The following SHTN1 variants were observed in gnomAD, a reference collection of about 807,000 sequenced individuals.
The protein encoded by SHTN1 is shootin-1.
A neutral mutation model predicts 83.1 loss-of-function variants in SHTN1; 42 were observed. The observed-to-expected ratio is 0.51, with a 90% CI of 0.39 to 0.65. The LOEUF (loss-of-function observed/expected upper bound fraction) is 0.65. Ranked by LOEUF, SHTN1 falls within the 30% of genes least tolerant of loss-of-function variation. SHTN1 has a pLI of 0.00. For missense variants in SHTN1, 622 were observed against 737.8 expected (o/e 0.84, Z 1.82); for synonymous variants, 224 against 247.7 (o/e 0.90, Z 0.90).
chr10:117,029,708 A>G (rs1852380361), intron 2 of SHTN1, among the ~76,000 whole-genome samples: 1 of 152,016 alleles, frequency 6.6e-6, no homozygotes, highest in African/African-American at 2.4e-5. Flanking sequence ...CAGCCTTCTG[A>G]AGTGCTGGCT....
In SHTN1 at chr10:117,003,444, C is replaced by A. The variant is rs559700588; in HGVS notation, c.58+1578G>T. 4.0e-5 allele frequency among the ~76,000 whole-genome samples: 6 copies of A among 150,672 alleles called. No homozygotes were observed. The East Asian group carries it at 9.7e-4, about 24-fold the overall frequency. ...AGCACTTTCTAGATGCTGGATATCA[C>A]AGAAGAATGTGTTATGTCCATTTCA... On this transcript the variant is annotated intron_variant, in intron 1 of 16. Coordinates refer to ENST00000355371, the MANE Select transcript of SHTN1 (RefSeq NM_001127211.3).
intron 1 of SHTN1, among the ~76,000 whole-genome samples, chr10:116,996,267 C>T (rs557125430): frequency 6.6e-6 from 1 of 152,292 alleles, no homozygotes; most frequent in Non-Finnish European, 1.5e-5. Context: ...TACCTGCAAT[C>T]TGGAATGGAT....
intron 12 of SHTN1, 129 bp from the exon 13 acceptor site, chr10:116,915,613 C>A: frequency 3.4e-6 from 2 of 596,372 alleles, no homozygotes; most frequent in Non-Finnish European, 6.0e-6. Context: ...TTGCAGAACA[C>A]TAAAAATTTA....
intron 1 of SHTN1, among the ~76,000 whole-genome samples, chr10:117,051,224 T>G (rs958304969): frequency 1.3e-5 from 2 of 152,086 alleles, no homozygotes; most frequent in African/African-American, 4.8e-5. Flanking sequence ...AAAATCTCAA[T>G]AGACCTATAA....
At chr10:117,037,791 A>T (rs1225686342) in intron 2 of SHTN1, among the ~76,000 whole-genome samples, 1 of 152,026 alleles carries the variant, frequency 6.6e-6, no homozygotes, top group Non-Finnish European at 1.5e-5. Context: ...GTGGATCACA[A>T]GATCAGGAGT....
chr10:117,100,401 C>T (rs1162514888), intron 1 of SHTN1, among the ~76,000 whole-genome samples: 3 of 152,162 alleles, frequency 2.0e-5, no homozygotes, highest in Non-Finnish European at 4.4e-5. Flanking sequence ...AAAATCTTCA[C>T]CATCTGGCCC....
upstream of SHTN1, chr10:117,005,583 A>G (rs72833418): frequency 2.1e-5 from 21 of 993,556 alleles, no homozygotes; most frequent in Non-Finnish European, 2.4e-5. Flanking sequence ...GCAATGAGCC[A>G]TGAACGCCTG....
At chr10:117,039,826 C>T (rs928701840) in intron 2 of SHTN1, among the ~76,000 whole-genome samples, 2 of 148,464 alleles carry the variant, frequency 1.3e-5, no homozygotes, top group Non-Finnish European at 3.0e-5. Context: ...GCACTCCAGC[C>T]TGGGCAACAG....
chr10:116,937,335 G>A (rs1849210880), intron 9 of SHTN1, among the ~76,000 whole-genome samples: 1 of 152,062 alleles, frequency 6.6e-6, no homozygotes, highest in African/African-American at 2.4e-5. Context: ...CTTCCTTCAG[G>A]AACTCTTAAA....
chr10:116,969,508 G>A (rs1028306960), intron 2 of SHTN1, among the ~76,000 whole-genome samples: 2 of 152,172 alleles, frequency 1.3e-5, no homozygotes, highest in African/African-American at 4.8e-5. Flanking sequence ...AAGAAAAAGT[G>A]ATCCATGTGT....
chr10:116,999,189 G>A (rs1423093965), intron 1 of SHTN1, among the ~76,000 whole-genome samples: 2 of 152,124 alleles, frequency 1.3e-5, no homozygotes, highest in East Asian at 1.9e-4. Flanking sequence ...CCATCCAGAG[G>A]ACATTAAATA....
rs567741364 is a variant in SHTN1, at chr10:116,901,124, C to A, written c.1673+641G>T. On this transcript the variant is annotated intron_variant, in intron 16 of 16. Coordinates refer to ENST00000355371, the MANE Select transcript of SHTN1 (RefSeq NM_001127211.3). ...AGTGACAAACTAGCTGACATCCTGG[C>A]AAGAGAACTAAAGCAAAACTGTAGA... 3.6e-5 allele frequency: 35 copies of A among 985,288 alleles called. 1 individual carries two copies. The South Asian group carries it at 1.3e-3, about 37-fold the overall frequency. 61.0% of individuals were successfully genotyped at this position (985,288 alleles called of 1,614,324 possible). A position where few individuals can be genotyped will look rare whatever the true frequency, so the allele number is the denominator to read the frequency against.
intron 2 of SHTN1, among the ~76,000 whole-genome samples, chr10:117,025,547 G>C (rs1852322810): frequency 6.6e-6 from 1 of 152,090 alleles, no homozygotes; most frequent in Admixed American, 6.6e-5. Flanking sequence ...GGGGTTGAGG[G>C]ACACACAACC....
Position 116,901,830 on chromosome 10 carries a change from TG to T in SHTN1, c.1607del (p.Pro536GlnfsTer45). 4 of 1,602,856 alleles carry T rather than the reference TG, an allele frequency of 2.5e-6. No individual in the cohort carries two copies. The highest frequency in any genetic ancestry group is 2.2e-5 in the South Asian group (2 of 89,038). ...LEAEFNSPSP[P>X]TPEPGEGPRK... Reference sequence around the variant, plus strand: ...GGGGCCCTTCACCTGGCTCAGGTGTTGGGGGGGACGGGCTGTTGAATTCTGC... The same window carrying T: ...GGGGCCCTTCACCTGGCTCAGGTGTTGGGGGGACGGGCTGTTGAATTCTGC... On this transcript the variant is annotated frameshift_variant, in exon 16 of 17. Coordinates refer to ENST00000355371, the MANE Select transcript of SHTN1 (RefSeq NM_001127211.3). LOFTEE classifies it high-confidence loss of function.
intron 2 of SHTN1, among the ~76,000 whole-genome samples, chr10:117,018,900 C>T (rs947136564): frequency 1.3e-5 from 2 of 151,940 alleles, no homozygotes; most frequent in Non-Finnish European, 2.9e-5. Context: ...GAACATCATA[C>T]TGGACATCCT....
intron 3 of SHTN1, 52 bp from the exon 4 acceptor site, chr10:116,960,282 TC>T: frequency 1.0e-6 from 1 of 988,754 alleles, no homozygotes. Flanking sequence ...AGTCAGCTAT[TC>T]CAGGAGCCCA....
chr10:116,928,714 A>C (rs1589815351), intron 10 of SHTN1, among the ~76,000 whole-genome samples: 1 of 152,202 alleles, frequency 6.6e-6, no homozygotes, highest in South Asian at 2.1e-4. Flanking sequence ...CTCAACACTT[A>C]AATAGGCAGT....
At position 116,960,129 on chromosome 10, in the gene SHTN1, G is replaced by A. The variant is rs1160839837; in HGVS notation, c.267+7C>T. On this transcript the variant is annotated splice_region_variant and intron_variant, in intron 4 of 16. Transcript: ENST00000355371. ...CTCAGGTAAAATTCCTTCATTTGAA[G>A]TCTCACCTTTGTTGCCAAAGCTTCA... The A allele has an allele frequency of 6.4e-7, 1 of 1,550,872 alleles. No individual in the cohort carries two copies. The highest frequency in any genetic ancestry group is 8.9e-7 in the Non-Finnish European group (1 of 1,123,498).
intron 2 of SHTN1, among the ~76,000 whole-genome samples, chr10:117,045,557 T>C (rs73398142): frequency 0.017 from 2,585 of 152,296 alleles, 64 homozygotes; most frequent in East Asian, 0.12. Flanking sequence ...TATACAACAG[T>C]TGAAACAAAA....
Sources: gnomAD v4.1 joint callset for allele counts (sites outside exome capture counted in the v4.1 genomes callset) on GRCh38, gnomAD v4.1.1 for gene constraint, MANE v1.5 for transcripts, NCBI Gene and HGNC (gene_info 2026-07-23, HGNC 2026-07-21) for gene names.